The following EIF2AK4 variants were observed in gnomAD, a reference collection of about 807,000 sequenced individuals.
EIF2AK4 encodes the protein eukaryotic translation initiation factor 2 alpha kinase 4, also known as eIF-2-alpha kinase GCN2.
In EIF2AK4, 139 loss-of-function variants were observed where a neutral mutation model predicts 211.1. The ratio of observed to expected loss-of-function variants is 0.66; its 90% CI spans 0.57 to 0.76. The LOEUF (loss-of-function observed/expected upper bound fraction) is 0.76. EIF2AK4 is among the 30% of genes least tolerant of loss of function. The pLI is 0.00. For missense variants in EIF2AK4, 1,664 were observed against 2,043.8 expected (o/e 0.81, Z 3.58); for synonymous variants, 710 against 751.3 (o/e 0.94, Z 0.90).
At chr15:39,993,584 G>C (rs760824511) in intron 18 of EIF2AK4, among the ~76,000 whole-genome samples, 2 of 152,224 alleles carry the variant, frequency 1.3e-5, no homozygotes, top group Non-Finnish European at 2.9e-5. Flanking sequence ...CTGAGTGAGA[G>C]AGACAGCTTG....
intron 3 of EIF2AK4, among the ~76,000 whole-genome samples, chr15:39,945,823 G>A (rs1328515871): frequency 6.6e-6 from 1 of 152,172 alleles, no homozygotes; most frequent in Non-Finnish European, 1.5e-5. Context: ...AAAGTTCCAG[G>A]ACCGTTAAGA....
At position 39,998,794 on chromosome 15, in the gene EIF2AK4, T is replaced by G; in HGVS notation, c.2922+10T>G. ...AGAGCATGCAAAGCAGGTAATTTTC[T>G]GATGCGTCAATTACTATGTCTTCAG... On this transcript the variant is annotated intron_variant, in intron 20 of 38. Transcript: ENST00000263791. 6.2e-7 allele frequency: 1 copy of G among 1,609,224 alleles called. No individual in the cohort carries two copies. Among genetic ancestry groups the G allele is most frequent in the African/African-American group, 1.3e-5 (1 of 74,928 alleles).
intron 36 of EIF2AK4, 145 bp downstream of exon 36, chr15:40,032,382 C>G (rs2035555567): frequency 1.5e-6 from 1 of 662,256 alleles, no homozygotes; most frequent in South Asian, 1.9e-5. Context: ...CAATTTAAAA[C>G]TATTAAGAAC....
chr15:40,019,947 C>G (rs2035360310), intron 30 of EIF2AK4, among the ~76,000 whole-genome samples: 1 of 151,548 alleles, frequency 6.6e-6, no homozygotes, highest in East Asian at 2.0e-4. Context: ...ATCGTTGAGC[C>G]CAGGAGTTCA....
At chr15:39,936,689 G>A (rs1222558645) in intron 1 of EIF2AK4, among the ~76,000 whole-genome samples, 1 of 152,172 alleles carries the variant, frequency 6.6e-6, no homozygotes, top group African/African-American at 2.4e-5. Flanking sequence ...GATTACAGGT[G>A]TGAGCCACCG....
intron 9 of EIF2AK4, among the ~76,000 whole-genome samples, chr15:39,972,310 A>G (rs2034635836): frequency 2.0e-5 from 3 of 151,256 alleles, no homozygotes. Flanking sequence ...AGATCACACC[A>G]CTGCACTGCA....
chr15:39,984,249 C>A (rs1444343133), intron 13 of EIF2AK4, among the ~76,000 whole-genome samples: 1 of 152,192 alleles, frequency 6.6e-6, no homozygotes, highest in African/African-American at 2.4e-5. Context: ...GTTTTGGTTA[C>A]TGTAGCCTTG....
intron 4 of EIF2AK4, among the ~76,000 whole-genome samples, chr15:39,950,651 G>A (rs2034295863): frequency 6.6e-6 from 1 of 151,236 alleles, no homozygotes. Flanking sequence ...TCTACTGTAT[G>A]ATAAGAATGC....
intron 11 of EIF2AK4, 86 bp from the exon 12 acceptor site, chr15:39,976,328 C>T (rs2140918305): frequency 1.4e-6 from 2 of 1,427,784 alleles, no homozygotes; most frequent in South Asian, 2.8e-5. Context: ...GAACTTCACG[C>T]TTTCCTTGGG....
chr15:40,006,003 G>C (rs1018928269), intron 23 of EIF2AK4, among the ~76,000 whole-genome samples: 18 of 151,594 alleles, frequency 1.2e-4, no homozygotes, highest in Admixed American at 1.2e-3. Context: ...GCTCCAAAAA[G>C]CAAAACTTGA....
chr15:39,982,199 C>T (rs192339556), intron 13 of EIF2AK4, among the ~76,000 whole-genome samples: 2 of 152,352 alleles, frequency 1.3e-5, no homozygotes, highest in East Asian at 3.9e-4. Flanking sequence ...GCTGGGATTA[C>T]AGGCGTGAGC....
rs747715182 is a variant in EIF2AK4, at chr15:40,032,239, T to C, written c.4728+2T>C. 3 of 1,613,962 alleles carry C rather than the reference T, an allele frequency of 1.9e-6. No homozygotes were observed. Among genetic ancestry groups the C allele is most frequent in the Non-Finnish European group, 2.5e-6 (3 of 1,179,896 alleles). On this transcript the variant is annotated splice_donor_variant, in intron 36 of 38. Transcript: ENST00000263791. LOFTEE classifies it high-confidence loss of function. ...AGCAGTGAAATTGAAATTCTGGCTG[T>C]AAGTGGCTTTCTTTAGTATTTTGAA...
At chr15:39,994,346 G>A (rs745654310) in intron 18 of EIF2AK4, among the ~76,000 whole-genome samples, 26 of 152,334 alleles carry the variant, frequency 1.7e-4, no homozygotes, top group Middle Eastern at 3.4e-3. Flanking sequence ...GGTGGTTCAT[G>A]CCTATAATCC....
chr15:39,984,115 T>C (rs2034832112), intron 13 of EIF2AK4, among the ~76,000 whole-genome samples: 1 of 152,234 alleles, frequency 6.6e-6, no homozygotes, highest in Non-Finnish European at 1.5e-5. Flanking sequence ...GGGAATCCTT[T>C]CCCCATTGCT....
At chr15:39,946,944 A>G in intron 3 of EIF2AK4, 1 of 331,750 alleles carries the variant, frequency 3.0e-6, no homozygotes, top group Non-Finnish European at 5.5e-6. Context: ...TTAATAGACT[A>G]CCATATAGTG....
chr15:39,980,548 A>G (rs2034766944), intron 13 of EIF2AK4, among the ~76,000 whole-genome samples: 1 of 152,052 alleles, frequency 6.6e-6, no homozygotes, highest in African/African-American at 2.4e-5. Flanking sequence ...CAATAATAGG[A>G]CTCCTGGCCT....
At chr15:39,938,543 C>G (rs1331807782) in intron 1 of EIF2AK4, among the ~76,000 whole-genome samples, 1 of 152,114 alleles carries the variant, frequency 6.6e-6, no homozygotes. Flanking sequence ...TTTCTCTTTT[C>G]TGATGATACC....
chr15:39,960,236 T>C (rs929432741), intron 6 of EIF2AK4, among the ~76,000 whole-genome samples: 7 of 151,750 alleles, frequency 4.6e-5, no homozygotes, highest in African/African-American at 1.7e-4. Flanking sequence ...ATACATAATC[T>C]TGTCACCAGT....
intron 5 of EIF2AK4, among the ~76,000 whole-genome samples, 185 bp from the exon 6 acceptor site, chr15:39,955,435 G>A (rs555401633): frequency 6.6e-6 from 1 of 152,198 alleles, no homozygotes; most frequent in South Asian, 2.1e-4. Context: ...GCATTTCTTT[G>A]TGTTGGAAAC....
Sources: allele counts gnomAD v4.1 joint callset (sites outside exome capture counted in the v4.1 genomes callset), GRCh38; gene constraint gnomAD v4.1.1; transcripts MANE v1.5; gene names NCBI Gene and HGNC (gene_info 2026-07-23, HGNC 2026-07-21).